The following FIBCD1 variants were observed in gnomAD, a reference collection of about 807,000 sequenced individuals.
The protein encoded by FIBCD1 is fibrinogen C domain containing 1, also known as fibrinogen C domain-containing protein 1.
A neutral mutation model predicts 45.1 loss-of-function variants in FIBCD1; 47 were observed. The observed-to-expected ratio is 1.04, with a 90% CI of 0.82 to 1.33. FIBCD1 has a LOEUF of 1.33. Ranked by LOEUF, FIBCD1 falls within the 40% of genes most tolerant of loss-of-function variation. The probability of loss-of-function intolerance (pLI) is 0.00; values close to 1 mark genes in which losing one functional copy is unlikely to be tolerated. For synonymous variants in FIBCD1, 313 were observed against 308.1 expected (o/e 1.02, Z -0.17); for missense variants, 653 against 682.2 (o/e 0.96, Z 0.48).
At chr9:130,917,994 G>C (rs748311266) in intron 4 of FIBCD1, among the ~76,000 whole-genome samples, 4 of 152,174 alleles carry the variant, frequency 2.6e-5, no homozygotes, top group Admixed American at 6.5e-5. Flanking sequence ...ACAGCACCCC[G>C]TGTGTGCTCG....
rs765960401 is a variant in FIBCD1 at position 130,905,426 on chromosome 9, G to A, written c.947-13C>T. 1.2e-6 allele frequency: 2 copies of A among 1,600,570 alleles called. No individual in the cohort carries two copies. Among genetic ancestry groups the A allele is most frequent in the Non-Finnish European group, 1.7e-6 (2 of 1,171,556 alleles). On this transcript the variant is annotated splice_polypyrimidine_tract_variant and intron_variant, in intron 5 of 6. Transcript: ENST00000372338. ...ATCCTCTTGAGCCCTGAAGTTGGGGGGAAAATGGTGGGAGAAGCTGAGGGG... is the reference window on the plus strand; with the variant it reads ...ATCCTCTTGAGCCCTGAAGTTGGGGAGAAAATGGTGGGAGAAGCTGAGGGG...
At chr9:130,911,659 G>A (rs1832050805) in intron 5 of FIBCD1, 133 bp downstream of exon 5, 3 of 713,388 alleles carry the variant, frequency 4.2e-6, no homozygotes. Context: ...CATGACACCT[G>A]TGAGCTGGCT....
intron 1 of FIBCD1, among the ~76,000 whole-genome samples, chr9:130,934,350 G>A (rs921265288): frequency 6.6e-5 from 10 of 152,214 alleles, no homozygotes; most frequent in African/African-American, 2.4e-4. Context: ...AAGGGGGTCT[G>A]CAGGCTTGTT....
chr9:130,905,485 A>C, intron 5 of FIBCD1, 72 bp from the exon 6 acceptor site: 1 of 1,463,874 alleles, frequency 6.8e-7, no homozygotes, highest in African/African-American at 1.4e-5. Context: ...GAAATGATAA[A>C]TGACAGCTGA....
chr9:130,929,494 G>A (rs976200479), intron 2 of FIBCD1, 73 bp downstream of exon 2: 104 of 1,462,456 alleles, frequency 7.1e-5, no homozygotes, highest in Non-Finnish European at 8.6e-5. Flanking sequence ...GACATCAGGC[G>A]CCTGGCACAT....
At chr9:130,915,503 G>A (rs1173993147) in intron 4 of FIBCD1, among the ~76,000 whole-genome samples, 2 of 152,192 alleles carry the variant, frequency 1.3e-5, no homozygotes, top group African/African-American at 4.8e-5. Context: ...AGGAGTTCGA[G>A]ACCAGCCTGG....
At position 130,926,200 on chromosome 9, in the gene FIBCD1, C is replaced by T. The variant is rs1424092134; in HGVS notation, c.553-1804G>A. ...CGGCAAACATCACTTGGTTAAGTCA[C>T]ACTGGTACTGCCCATTTATCTGAGT... On this transcript the variant is annotated intron_variant, in intron 2 of 6. Coordinates refer to ENST00000372338, the MANE Select transcript of FIBCD1 (RefSeq NM_032843.5). The surrounding 1 kb of genome is among the most constrained non-coding windows in gnomAD (Gnocchi z 4.1). Among the ~76,000 whole-genome samples the T allele has an allele frequency of 6.6e-6, 1 of 152,204 alleles. No individual in the cohort carries two copies. The highest frequency in any genetic ancestry group is 1.5e-5 in the Non-Finnish European group (1 of 68,040).
intron 1 of FIBCD1, chr9:130,938,048 T>G (rs895590173): frequency 6.5e-6 from 1 of 152,990 alleles, no homozygotes; most frequent in South Asian, 2.1e-4. Flanking sequence ...GATCCCCTAC[T>G]GTATGCAGGG....
chr9:130,932,738 TACTC>T (rs1004204193), intron 1 of FIBCD1, among the ~76,000 whole-genome samples: 115 of 152,214 alleles, frequency 7.6e-4, no homozygotes, highest in African/African-American at 2.7e-3. Context: ...TGACTTCTTT[TACTC>T]ACTCATTCAT....
rs554585725 is a variant in FIBCD1, at chr9:130,929,877, G to A, written c.242C>T (p.Thr81Ile). ...GTGCGAGCTGTCCGCCCTTTCCACA[G>A]TGACCAGGGCGCTGTTGGCGCTGGC... ...GAASANSALVTVERADSSHLS... is the reference protein window; with the variant it reads ...GAASANSALVIVERADSSHLS... The change falls in exon 2 of 7, where the codon ACT becomes ATT. Residue 81 changes from threonine (T) to isoleucine (I), a missense_variant. Transcript: ENST00000372338. The A allele has an allele frequency of 1.7e-4, 265 of 1,549,766 alleles. No homozygotes were observed. The highest frequency in any genetic ancestry group is 9.4e-4 in the Admixed American group (48 of 50,998).
chr9:130,905,700 G>A (rs779430511), intron 5 of FIBCD1, among the ~76,000 whole-genome samples: 5 of 152,280 alleles, frequency 3.3e-5, no homozygotes, highest in Middle Eastern at 3.4e-3. Context: ...TGCAGGAGGC[G>A]GGAGGAGGTG....
At position 130,924,226 on chromosome 9, in the gene FIBCD1, G is replaced by T. The variant is rs887705439; in HGVS notation, c.712+11C>A. On this transcript the variant is annotated intron_variant, in intron 3 of 6. Coordinates refer to ENST00000372338, the MANE Select transcript of FIBCD1 (RefSeq NM_032843.5). ...GAGGCACCGGAGGAAGGCAGGCCCT[G>T]CCCCACTCACCAGTGGCACAGCCCC... 90 of 1,575,016 alleles carry T rather than the reference G, an allele frequency of 5.7e-5. No homozygotes were observed. The highest frequency in any genetic ancestry group is 7.3e-5 in the Non-Finnish European group (85 of 1,161,754).
At chr9:130,915,887 G>A (rs1294781156) in intron 4 of FIBCD1, among the ~76,000 whole-genome samples, 1 of 152,162 alleles carries the variant, frequency 6.6e-6, no homozygotes, top group Non-Finnish European at 1.5e-5. Flanking sequence ...ACAGGCACAC[G>A]CATCCAGACT....
In FIBCD1 at chr9:130,930,017, G is replaced by A. The variant is rs768752874; in HGVS notation, c.102C>T (p.Thr34=). Residue 34 remains threonine (T), a synonymous_variant, in exon 2 of 7, where the codon ACC becomes ACT. Coordinates refer to ENST00000372338, the MANE Select transcript of FIBCD1 (RefSeq NM_032843.5). Reference sequence around the variant, plus strand: ...GCAGCACAGCCAGGGCCAGCAGCACGGTGCACAGCACGTAGCCGCAGCTCG... The same window carrying A: ...GCAGCACAGCCAGGGCCAGCAGCACAGTGCACAGCACGTAGCCGCAGCTCG... ...QRPSCGYVLC[T]VLLALAVLLA... is the part of the protein sequence containing the mutation. 1.4e-5 allele frequency: 21 copies of A among 1,524,816 alleles called. No individual in the cohort carries two copies. The highest frequency in any genetic ancestry group is 2.4e-5 in the East Asian group (1 of 42,116). 94.5% of individuals were successfully genotyped at this position (1,524,816 alleles called of 1,614,324 possible).
chr9:130,911,760 C>T (rs1012245597), intron 5 of FIBCD1, 32 bp downstream of exon 5: 28 of 1,570,414 alleles, frequency 1.8e-5, no homozygotes, highest in African/African-American at 2.7e-5. Context: ...GGAGGAGGCC[C>T]ACCTGGGCCG....
intron 4 of FIBCD1, among the ~76,000 whole-genome samples, chr9:130,921,830 G>A (rs769117072): frequency 2.6e-5 from 4 of 152,216 alleles, no homozygotes; most frequent in Non-Finnish European, 5.9e-5. Context: ...TCCCCCAGAC[G>A]CAGCTCCAGT....
intron 6 of FIBCD1, 30 bp from the exon 7 acceptor site, chr9:130,904,353 C>T (rs775132966): frequency 2.7e-5 from 42 of 1,570,918 alleles, no homozygotes; most frequent in Non-Finnish European, 3.5e-5. Flanking sequence ...GGTGTGGGCA[C>T]GGGGGGCACG....
intron 2 of FIBCD1, among the ~76,000 whole-genome samples, chr9:130,928,179 G>C (rs369375373): frequency 2.2e-4 from 33 of 152,306 alleles, no homozygotes; most frequent in East Asian, 1.9e-3. Context: ...AACATTTTTG[G>C]GGAAGTAAAT....
intron 4 of FIBCD1, among the ~76,000 whole-genome samples, chr9:130,919,364 T>A (rs1453140796): frequency 1.3e-5 from 2 of 152,118 alleles, no homozygotes; most frequent in Non-Finnish European, 2.9e-5. Flanking sequence ...CCCACCAATG[T>A]CACAGCAGAT....
Sources: allele counts gnomAD v4.1 joint callset (sites outside exome capture counted in the v4.1 genomes callset), GRCh38; gene constraint gnomAD v4.1.1; non-coding constraint Gnocchi (gnomAD v3.1); transcripts MANE v1.5; gene names NCBI Gene and HGNC (gene_info 2026-07-23, HGNC 2026-07-21).